Variants in POLE observed in about 807,000 individuals in gnomAD.
POLE encodes the protein DNA polymerase epsilon, catalytic subunit, also known as DNA polymerase epsilon catalytic subunit A.
In POLE, 188 loss-of-function variants were observed where a neutral mutation model predicts 279.2. The ratio of observed to expected loss-of-function variants is 0.67; its 90% CI spans 0.60 to 0.76. The LOEUF is 0.76. POLE is among the 30% of genes least tolerant of loss of function. The pLI, the probability that POLE is intolerant of heterozygous loss-of-function variation, is 0.00. For synonymous variants in POLE, 1,214 were observed against 1,172.5 expected, an observed-to-expected ratio of 1.04 and a Z score of -0.72; for missense variants, 2,703 against 3,016.7, an observed-to-expected ratio of 0.90 and a Z score of 2.44.
rs781112665 is a variant in POLE at position 132,643,367 on chromosome 12, G to A, written c.4445-37C>T. On this transcript the variant is annotated intron_variant, in intron 34 of 48. Transcript: ENST00000320574. ...AACAAGACCGTCACCCCAGATGTGTGGGAGGCAGGCACATGATGGGCGGCT... is the reference window on the plus strand; with the variant it reads ...AACAAGACCGTCACCCCAGATGTGTAGGAGGCAGGCACATGATGGGCGGCT... 3.7e-6 allele frequency: 6 copies of A among 1,614,064 alleles called. No individual in the cohort carries two copies. In the African/African-American group the frequency reaches 8.0e-5, roughly 22 times the overall value.
In POLE at chr12:132,643,832, G is replaced by A. The variant is rs5744936; in HGVS notation, c.4290+5C>T. ...CAGTTCAGTCGAGGGTGGCTGGGGA[G>A]TCACCTGAGTCTCATATACGCCCTC... is the stretch of plus-strand genomic sequence containing the variant. On this transcript the variant is annotated splice_donor_5th_base_variant and intron_variant, in intron 33 of 48. Coordinates refer to ENST00000320574, the MANE Select transcript of POLE (RefSeq NM_006231.4). The A allele has an allele frequency of 0.023, 37,169 of 1,612,088 alleles. 528 individuals are homozygous for A. Among genetic ancestry groups the A allele is most frequent in the East Asian group, 0.029 (1,296 of 44,818 alleles).
intron 16 of POLE, among the ~76,000 whole-genome samples, chr12:132,670,402 G>A (rs1462310638): frequency 1.3e-5 from 2 of 150,614 alleles, no homozygotes; most frequent in African/African-American, 2.4e-5. Flanking sequence ...TCGCCACCAC[G>A]CCTGGGTAAT....
Position 132,656,647 on chromosome 12 carries a change from C to T in POLE, c.3582+489G>A, listed in dbSNP as rs147827434. On this transcript the variant is annotated intron_variant, in intron 29 of 48. Transcript: ENST00000320574. ...TGCTGGGATTACAGGTGTGAGCCAC[C>T]GCACCTGGTCAAAGAACCTTGTTCT... 2.1e-4 allele frequency among the ~76,000 whole-genome samples: 32 copies of T among 152,262 alleles called. 1 individual carries two copies. The East Asian group carries it at 2.7e-3, about 13-fold the overall frequency.
At chr12:132,677,485 G>A (rs1406239846) in intron 7 of POLE, 42 bp from the exon 8 acceptor site, 1 of 1,608,748 alleles carries the variant, frequency 6.2e-7, no homozygotes, top group Non-Finnish European at 8.5e-7. Flanking sequence ...CTACATCCAG[G>A]AAAGTCTATT....
chr12:132,681,637 G>A (rs1457051586), intron 1 of POLE, among the ~76,000 whole-genome samples: 4 of 152,124 alleles, frequency 2.6e-5, no homozygotes. Flanking sequence ...AAGTGTTTCG[G>A]ATATGACAGG....
intron 41 of POLE, among the ~76,000 whole-genome samples, chr12:132,637,440 G>A (rs1011366535): frequency 3.3e-5 from 5 of 152,214 alleles, no homozygotes; most frequent in Non-Finnish European, 7.3e-5. Context: ...TTGAACAAAA[G>A]TTGCTGGTGG....
At position 132,659,464 on chromosome 12, in the gene POLE, T is replaced by C; in HGVS notation, c.3106A>G (p.Asn1036Asp). 1 of 1,614,214 alleles carries C rather than the reference T, an allele frequency of 6.2e-7. No individual in the cohort carries two copies. The highest frequency in any genetic ancestry group is 8.5e-7 in the Non-Finnish European group (1 of 1,180,040). The change falls in exon 26 of 49, where the codon AAC (asparagine) becomes GAC (aspartate). Residue 1036 changes from asparagine (N) to aspartate (D), a missense_variant. By Grantham distance (23) the Asn-to-Asp change is conservative (BLOSUM62 1). Transcript: ENST00000320574. ...DSELFELISE[N>D]RSMSRKLEDY... ...TCCAGCTTCCGAGACATGGAACGGT[T>C]CTCAGAGATGAGCTCGAATAGCTCA...
chr12:132,674,114 C>A (rs918735285), intron 12 of POLE, among the ~76,000 whole-genome samples: 1 of 151,990 alleles, frequency 6.6e-6, no homozygotes, highest in Non-Finnish European at 1.5e-5. Flanking sequence ...TCAAGCCCAC[C>A]CTCCTTTAAT....
At chr12:132,653,279 G>A (rs1462262182) in intron 29 of POLE, among the ~76,000 whole-genome samples, 2 of 152,178 alleles carry the variant, frequency 1.3e-5, no homozygotes, top group Non-Finnish European at 2.9e-5. Flanking sequence ...GGAGGCTGAG[G>A]TGGGAGGATA....
chr12:132,677,658 G>A lies in POLE; in HGVS notation c.640C>T (p.Gln214Ter). The A allele has an allele frequency of 6.2e-7, 1 of 1,614,044 alleles. No homozygotes were observed. The highest frequency in any genetic ancestry group is 2.2e-5 in the East Asian group (1 of 44,882). ...EEETSKKIAD[Q>*]LDNIVDMREY... ...CGCATGTCCACAATGTTGTCCAACT[G>A]GTCAGCTATCTTCTTAGAGGTTTCC... Residue 214 changes from glutamine (Q) to a stop codon, truncating the protein, a stop_gained, in exon 7 of 49, where the codon CAG becomes TAG. Coordinates refer to ENST00000320574, the MANE Select transcript of POLE (RefSeq NM_006231.4). LOFTEE classifies it high-confidence loss of function.
rs1555227263 is a variant in POLE at position 132,668,432 on chromosome 12, G to C, written c.2097C>G (p.Phe699Leu). The change falls in exon 19 of 49, where the codon TTC becomes TTG. Residue 699 changes from phenylalanine to leucine, a missense_variant. By Grantham distance (22) the Phe-to-Leu change is conservative (BLOSUM62 0). Around this residue, in one of 5 missense-constraint regions of POLE, gnomAD observed 1,011 missense variants for 1,111.7 expected, o/e 0.91. Transcript: ENST00000320574. This position sits in a 1 kb window ranked among gnomAD's most constrained non-coding sequence, Gnocchi z 4.0. ...GAAAGGCCCGAGCTGGCCCCTCTGG[G>C]AACAAGGGGGGGAACTTCTCTGACT... ...QLESEKFPPL[F>L]PEGPARAFHE... The C allele has an allele frequency of 2.5e-6, 4 of 1,612,774 alleles. No individual in the cohort carries two copies. The South Asian group carries it at 4.4e-5, about 18-fold the overall frequency.
intron 45 of POLE, among the ~76,000 whole-genome samples, chr12:132,631,587 A>G (rs2041934182): frequency 6.6e-6 from 1 of 152,150 alleles, no homozygotes; most frequent in African/African-American, 2.4e-5. Context: ...CTGAGTGAGG[A>G]AATGGACAGT....
rs758772641 is a variant in POLE at position 132,649,426 on chromosome 12, C to T, written c.3885G>A (p.Leu1295=). 2.5e-6 allele frequency: 4 copies of T among 1,613,104 alleles called. No individual in the cohort carries two copies. The highest frequency in any genetic ancestry group is 2.5e-6 in the Non-Finnish European group (3 of 1,180,030). The change falls in exon 31 of 49, where the codon CTG becomes CTA. Residue 1295 remains leucine (L), a synonymous_variant. Transcript: ENST00000320574. ...GCCTGAGCACACCCTCTGCCGACTC[C>T]AGACGCTGCCTCTTCCTGCGGGCGA... is the stretch of plus-strand genomic sequence containing the variant. The part of the protein sequence containing the change: ...QRLARRKRQR[L]ESAEGVLRPG...
At chr12:132,629,664 G>A (rs900023193) in intron 45 of POLE, among the ~76,000 whole-genome samples, 2 of 152,164 alleles carry the variant, frequency 1.3e-5, no homozygotes, top group Admixed American at 6.5e-5. Flanking sequence ...TGGCTTGAGG[G>A]GATGTTATAT....
At position 132,672,267 on chromosome 12, in the gene POLE, G is replaced by A. The variant is rs753890723; in HGVS notation, c.1742C>T (p.Ala581Val). ...LQRVEKTLRH[A>V]LEEEEKVPVE... is the part of the protein sequence containing the mutation. ...AGGCACTTTCTCCTCTTCCTCAAGG[G>A]CGTGGCGCAAGGTCTTCTCAACCCG... The change falls in exon 16 of 49, where the codon GCC becomes GTC. Residue 581 changes from alanine to valine, a missense_variant. Ala to Val is a moderately conservative substitution (Grantham distance 64). Transcript: ENST00000320574. 8.1e-6 allele frequency: 13 copies of A among 1,614,178 alleles called. No homozygotes were observed. The South Asian group carries it at 1.2e-4, about 15-fold the overall frequency.
At chr12:132,676,254 GA>G (rs766026807) in intron 9 of POLE, 50 bp from the exon 10 acceptor site, 1 of 1,277,960 alleles carries the variant, frequency 7.8e-7, no homozygotes, top group Non-Finnish European at 1.1e-6. Context: ...GCAAAGCCAA[GA>G]AATGGCGTTC....
At position 132,656,993 on chromosome 12, in the gene POLE, G is replaced by A. The variant is rs2042556305; in HGVS notation, c.3582+143C>T. The A allele has an allele frequency of 3.7e-6, 3 of 814,846 alleles. No individual in the cohort carries two copies. In the Admixed American group the frequency reaches 7.5e-5, roughly 20 times the overall value. 50.5% of individuals were successfully genotyped at this position (814,846 alleles called of 1,614,324 possible). A position where few individuals can be genotyped will look rare whatever the true frequency, so the allele number is the denominator to read the frequency against. On this transcript the variant is annotated intron_variant, in intron 29 of 48. Transcript: ENST00000320574. ...GACACTCAGAGTTAGAGAGTAAAGT[G>A]CCAATGGGCACATTTTCAGAAAAAG...
intron 45 of POLE, among the ~76,000 whole-genome samples, chr12:132,627,491 GT>G (rs895962604): frequency 2.0e-5 from 3 of 152,054 alleles, no homozygotes; most frequent in Non-Finnish European, 4.4e-5. Context: ...GTAAAGATGG[GT>G]TTTGCCATGT....
In POLE at chr12:132,667,353, A is replaced by G. The variant is rs982189458; in HGVS notation, c.2319+150T>C. ...TGGTCTGCATCCTTCGTGGCCATCA[A>G]CTCTTCCAAGTCAAAAACAATTGCA... On this transcript the variant is annotated intron_variant, in intron 20 of 48. Coordinates refer to ENST00000320574, the MANE Select transcript of POLE (RefSeq NM_006231.4). The G allele has an allele frequency of 9.8e-6, 8 of 812,352 alleles. No homozygotes were observed. In the Admixed American group the frequency reaches 1.1e-4, roughly 12 times the overall value. The allele number at this position is 812,352 out of a possible 1,614,324, so 50.3% of individuals were successfully genotyped here. A position where few individuals can be genotyped will look rare whatever the true frequency, so the allele number is the denominator to read the frequency against.
Sources: gnomAD v4.1 joint callset for allele counts (sites outside exome capture counted in the v4.1 genomes callset) on GRCh38, gnomAD v4.1.1 for gene constraint, gnomAD v4.1.1 regional missense constraint, Gnocchi (gnomAD v3.1) non-coding constraint, MANE v1.5 for transcripts, NCBI Gene and HGNC (gene_info 2026-07-23, HGNC 2026-07-21) for gene names.